UBXN2A: variants seen among roughly 807,000 people sequenced by gnomAD.
UBXN2A encodes UBX domain-containing protein 2A.
A neutral mutation model predicts 28.4 loss-of-function variants in UBXN2A; 28 were observed. That is an observed-to-expected ratio of 0.99 (90% confidence interval 0.73 to 1.35). The LOEUF is 1.35. Among genes scored for constraint, UBXN2A ranks in the 40% most tolerant of loss-of-function variants. The probability of loss-of-function intolerance (pLI) is 0.00; values close to 1 mark genes in which losing one functional copy is unlikely to be tolerated. For missense variants in UBXN2A, 253 were observed against 297.9 expected (o/e 0.85, Z 1.11); for synonymous variants, 97 against 103.6 (o/e 0.94, Z 0.39).
chr2:23,984,841 C>G lies in UBXN2A; in HGVS notation c.584+10C>G. On this transcript the variant is annotated intron_variant, in intron 6 of 6. Coordinates refer to ENST00000309033, the MANE Select transcript of UBXN2A (RefSeq NM_181713.4). ...TTAACATTACTCATAGGTGAGTCTTCAATTTCAGTATTTGATATTTTTTCA... is the reference window on the plus strand; with the variant it reads ...TTAACATTACTCATAGGTGAGTCTTGAATTTCAGTATTTGATATTTTTTCA... The G allele has an allele frequency of 6.5e-7, 1 of 1,540,582 alleles. No individual in the cohort carries two copies.
chr2:23,940,319 C>A (rs953310942), upstream of UBXN2A: 2 of 151,892 alleles, frequency 1.3e-5, no homozygotes, highest in African/African-American at 4.8e-5. Context: ...AGCTAGCCGC[C>A]GGGCCAGTGG....
At chr2:23,987,285 C>T (rs1708169514) in intron 6 of UBXN2A, among the ~76,000 whole-genome samples, 1 of 151,896 alleles carries the variant, frequency 6.6e-6, no homozygotes, top group South Asian at 2.1e-4. Context: ...AACATAGATT[C>T]TTATCAGTAT....
intron 4 of UBXN2A, among the ~76,000 whole-genome samples, chr2:23,980,915 C>T (rs1248358002): frequency 1.3e-5 from 2 of 152,138 alleles, no homozygotes; most frequent in Non-Finnish European, 2.9e-5. Flanking sequence ...GCATGAGCCA[C>T]CGTGCTCAGC....
At chr2:23,942,698 C>T (rs568601867) in intron 1 of UBXN2A, among the ~76,000 whole-genome samples, 6 of 151,924 alleles carry the variant, frequency 3.9e-5, no homozygotes, top group Admixed American at 1.3e-4. Flanking sequence ...GGATTACAGA[C>T]GTGAGCCACC....
intron 1 of UBXN2A, among the ~76,000 whole-genome samples, chr2:23,945,078 T>TA (rs539865448): frequency 2.1e-4 from 32 of 151,832 alleles, no homozygotes; most frequent in African/African-American, 4.8e-4. Context: ...AAATACTTAT[T>TA]AAAAAAAAGG....
rs544634133 is a variant in UBXN2A, at chr2:23,956,707, C to A, written c.-14-1594C>A. Among the ~76,000 whole-genome samples, 12 of 152,314 alleles carry A rather than the reference C, an allele frequency of 7.9e-5. No individual in the cohort carries two copies. The South Asian group carries it at 2.5e-3, about 32-fold the overall frequency. ...CTGGGGTAAAAGTTTCCATGTTCATCTTTCTCTGCCCCAGCCCTGAAGTTA... is the reference window on the plus strand; with the variant it reads ...CTGGGGTAAAAGTTTCCATGTTCATATTTCTCTGCCCCAGCCCTGAAGTTA... On this transcript the variant is annotated intron_variant, in intron 1 of 6. Coordinates refer to ENST00000309033, the MANE Select transcript of UBXN2A (RefSeq NM_181713.4).
chr2:23,981,161 A>G (rs1271671554), intron 4 of UBXN2A, among the ~76,000 whole-genome samples: 5 of 152,128 alleles, frequency 3.3e-5, no homozygotes, highest in Admixed American at 2.6e-4. Context: ...AGTATGGCTT[A>G]TATACACAAA....
At chr2:23,976,681 C>T (rs1243232834) in intron 3 of UBXN2A, among the ~76,000 whole-genome samples, 1 of 152,146 alleles carries the variant, frequency 6.6e-6, no homozygotes, top group African/African-American at 2.4e-5. Context: ...TCCCACAACA[C>T]ACGGGAATTC....
chr2:23,944,575 C>A (rs79835156), intron 1 of UBXN2A, among the ~76,000 whole-genome samples: 8 of 152,022 alleles, frequency 5.3e-5, no homozygotes, highest in African/African-American at 1.9e-4. Context: ...AAAAACTCCC[C>A]TTTTTTTGCC....
At chr2:23,955,519 A>G (rs992726590) in intron 1 of UBXN2A, among the ~76,000 whole-genome samples, 1 of 152,192 alleles carries the variant, frequency 6.6e-6, no homozygotes, top group African/African-American at 2.4e-5. Flanking sequence ...CACTTAATGA[A>G]GGGCATACAT....
chr2:23,978,656 A>T (rs897034430), intron 4 of UBXN2A, among the ~76,000 whole-genome samples: 13 of 148,334 alleles, frequency 8.8e-5, no homozygotes, highest in Middle Eastern at 3.8e-3. Flanking sequence ...AAAAAAAAAA[A>T]TTTTGTTTTA....
At chr2:23,951,967 CTT>C (rs901333812) in intron 1 of UBXN2A, among the ~76,000 whole-genome samples, 19 of 132,308 alleles carry the variant, frequency 1.4e-4, no homozygotes, top group Admixed American at 2.3e-4. Context: ...AGTTTTTTTC[CTT>C]TTTTTTTTTT....
chr2:23,930,872 T>TA (rs1175450934), intron 1 of UBXN2A, among the ~76,000 whole-genome samples: 15 of 150,404 alleles, frequency 1.0e-4, no homozygotes, highest in Admixed American at 2.0e-4. Flanking sequence ...AAATAAAATT[T>TA]AAAAAAAAAG....
rs750979000 is a variant in UBXN2A at position 23,983,083 on chromosome 2, TTCTG to T, written c.425+54_425+57del. ...TGCATAGATCAAGGCTTAACTAATA[TTCTG>T]TCTATCAGTATTTTACCCATGTAGA... On this transcript the variant is annotated intron_variant, in intron 5 of 6. Transcript: ENST00000309033. 20 of 1,480,912 alleles carry T rather than the reference TTCTG, an allele frequency of 1.4e-5. No homozygotes were observed. The South Asian group carries it at 2.9e-4, about 21-fold the overall frequency. The allele number at this position is 1,480,912 out of a possible 1,614,324, so 91.7% of individuals were successfully genotyped here. A position where few individuals can be genotyped will look rare whatever the true frequency, so the allele number is the denominator to read the frequency against.
chr2:23,934,140 C>T (rs1364991786), intron 1 of UBXN2A, among the ~76,000 whole-genome samples: 1 of 151,228 alleles, frequency 6.6e-6, no homozygotes, highest in Non-Finnish European at 1.5e-5. Context: ...CGCTTGAATG[C>T]GGGAGGCGGA....
At chr2:23,944,259 C>T (rs1033159609) in intron 1 of UBXN2A, 1 of 1,604,518 alleles carries the variant, frequency 6.2e-7, no homozygotes, top group East Asian at 2.2e-5. Flanking sequence ...GATGTGGGAC[C>T]TAGGAAAAGG....
chr2:23,942,504 A>T (rs193206236), intron 1 of UBXN2A, among the ~76,000 whole-genome samples: 15 of 147,776 alleles, frequency 1.0e-4, no homozygotes, highest in Admixed American at 6.4e-4. Context: ...GCTCACTGCA[A>T]TCTCTTCCGG....
intron 3 of UBXN2A, among the ~76,000 whole-genome samples, chr2:23,973,361 CAG>C (rs1337223372): frequency 7.0e-6 from 1 of 142,808 alleles, no homozygotes; most frequent in Non-Finnish European, 1.5e-5. Flanking sequence ...TTCTCTGAGA[CAG>C]AGTCTCGCTG....
intron 1 of UBXN2A, among the ~76,000 whole-genome samples, chr2:23,954,002 C>T (rs1706493310): frequency 6.6e-6 from 1 of 152,076 alleles, no homozygotes; most frequent in African/African-American, 2.4e-5. Flanking sequence ...AAATTGGAGA[C>T]ATTATAATTT....
Sources: gnomAD v4.1 joint callset for allele counts (sites outside exome capture counted in the v4.1 genomes callset) on GRCh38, gnomAD v4.1.1 for gene constraint, MANE v1.5 for transcripts, NCBI Gene and HGNC (gene_info 2026-07-23, HGNC 2026-07-21) for gene names.